AKAP19: variants seen among roughly 807,000 people sequenced by gnomAD.
The protein encoded by AKAP19 is A-kinase anchoring protein 19.
At chr2:189,912,465 T>C in the AKAP19 span, among the ~76,000 whole-genome samples, 2 of 152,048 alleles carry the variant, frequency 1.3e-5, no homozygotes, top group East Asian at 1.9e-4. Context: ...TGCTTGAACC[T>C]GAGAGGCAGA....
At chr2:190,169,735 C>A in the AKAP19 span, among the ~76,000 whole-genome samples, 1 of 152,298 alleles carries the variant, frequency 6.6e-6, no homozygotes, top group Non-Finnish European at 1.5e-5. Context: ...CATGACTCCA[C>A]ATGGTAACAC....
the AKAP19 span, among the ~76,000 whole-genome samples, chr2:190,098,043 T>C: frequency 6.6e-6 from 1 of 152,114 alleles, no homozygotes; most frequent in Admixed American, 6.6e-5. Flanking sequence ...CCCCCCAAAG[T>C]CATTCATGAA....
chr2:190,183,785 G>C, the AKAP19 span, among the ~76,000 whole-genome samples: 37 of 151,990 alleles, frequency 2.4e-4, 1 homozygote, highest in African/African-American at 8.7e-4. Flanking sequence ...TCACCAGAAT[G>C]TGAAGGCATG....
chr2:189,984,639 A>G, the AKAP19 span, among the ~76,000 whole-genome samples: 2 of 152,224 alleles, frequency 1.3e-5, no homozygotes, highest in African/African-American at 4.8e-5. Context: ...GGAAATCACA[A>G]GGGTATTGAT....
chr2:189,963,060 A>G, the AKAP19 span, among the ~76,000 whole-genome samples: 2 of 152,100 alleles, frequency 1.3e-5, no homozygotes, highest in East Asian at 3.8e-4. Flanking sequence ...CATTTTAGCA[A>G]TGTTCATAGC....
the AKAP19 span, chr2:190,199,936 G>C: frequency 6.2e-7 from 1 of 1,614,090 alleles, no homozygotes; most frequent in Non-Finnish European, 8.5e-7. Flanking sequence ...TGAGAGTGAA[G>C]AACCCTTTAT....
the AKAP19 span, among the ~76,000 whole-genome samples, chr2:190,193,185 C>CA: frequency 6.6e-6 from 1 of 151,824 alleles, no homozygotes; most frequent in African/African-American, 2.4e-5. Flanking sequence ...GGTATTTTAT[C>CA]AAAATTTTTT....
At chr2:189,943,908 A>T in the AKAP19 span, among the ~76,000 whole-genome samples, 1 of 152,118 alleles carries the variant, frequency 6.6e-6, no homozygotes, top group Non-Finnish European at 1.5e-5. Flanking sequence ...GGGAATGTTT[A>T]CTCAGTGCTT....
the AKAP19 span, among the ~76,000 whole-genome samples, chr2:189,929,708 T>G: frequency 6.6e-6 from 1 of 152,142 alleles, no homozygotes; most frequent in Non-Finnish European, 1.5e-5. Flanking sequence ...ACTAGCCCAA[T>G]GATAATAATA....
chr2:189,971,591 G>C, the AKAP19 span, among the ~76,000 whole-genome samples: 3 of 152,108 alleles, frequency 2.0e-5, no homozygotes, highest in Non-Finnish European at 2.9e-5. Context: ...CTAGTTTACA[G>C]TCCCACCAAC....
the AKAP19 span, chr2:189,930,670 C>A: frequency 1.1e-5 from 3 of 284,220 alleles, no homozygotes; most frequent in African/African-American, 1.2e-4. Flanking sequence ...GAAGGAAACT[C>A]CCTCTCAAAA....
the AKAP19 span, among the ~76,000 whole-genome samples, chr2:190,136,593 CT>C: frequency 6.6e-6 from 1 of 152,108 alleles, no homozygotes; most frequent in South Asian, 2.1e-4. Context: ...TGCCCTCTGC[CT>C]CAGGGTCAGA....
the AKAP19 span, among the ~76,000 whole-genome samples, chr2:189,930,115 C>G: frequency 6.6e-6 from 1 of 152,124 alleles, no homozygotes; most frequent in Admixed American, 6.5e-5. Flanking sequence ...ATATCATGTA[C>G]TTTCCCCCAA....
chr2:190,147,747 T>TGTTG, the AKAP19 span, among the ~76,000 whole-genome samples: 1 of 151,630 alleles, frequency 6.6e-6, no homozygotes, highest in South Asian at 2.1e-4. Context: ...AGGTTTTTTT[T>TGTTG]TTGTTGTTGT....
chr2:190,097,181 A>C, the AKAP19 span, among the ~76,000 whole-genome samples: 1 of 152,160 alleles, frequency 6.6e-6, no homozygotes, highest in East Asian at 1.9e-4. Flanking sequence ...CTAGGTATTA[A>C]GCCCAGCATC....
the AKAP19 span, among the ~76,000 whole-genome samples, chr2:189,895,604 G>T: frequency 4.6e-4 from 70 of 152,050 alleles, no homozygotes; most frequent in Middle Eastern, 0.014. Flanking sequence ...TACCAATACT[G>T]GTCTTACTGC....
the AKAP19 span, among the ~76,000 whole-genome samples, chr2:189,938,852 A>C: frequency 6.6e-6 from 1 of 152,134 alleles, no homozygotes; most frequent in Non-Finnish European, 1.5e-5. Context: ...TACCCACAAA[A>C]ATTAAAAATA....
chr2:189,913,720 G>C, the AKAP19 span, among the ~76,000 whole-genome samples: 1 of 152,022 alleles, frequency 6.6e-6, no homozygotes, highest in Non-Finnish European at 1.5e-5. Flanking sequence ...TCATAATTTT[G>C]ATGCTCTTTG....
chr2:190,052,441 C>T, the AKAP19 span, among the ~76,000 whole-genome samples: 1 of 152,164 alleles, frequency 6.6e-6, no homozygotes, highest in African/African-American at 2.4e-5. Flanking sequence ...TCAGCATTAT[C>T]AGGATCTCAT....
Sources: allele counts gnomAD v4.1 joint callset (sites outside exome capture counted in the v4.1 genomes callset), GRCh38; gene constraint gnomAD v4.1.1; transcripts MANE v1.5; gene names NCBI Gene and HGNC (gene_info 2026-07-23, HGNC 2026-07-21).